CCDC149: variants seen among roughly 807,000 people sequenced by gnomAD.
The protein encoded by CCDC149 is coiled-coil domain-containing protein 149.
In CCDC149, 45 loss-of-function variants were observed where a neutral mutation model predicts 59.9. The ratio of observed to expected loss-of-function variants is 0.75; its 90% CI spans 0.59 to 0.96. The LOEUF (loss-of-function observed/expected upper bound fraction) is 0.96, where lower values mean the gene tolerates loss of function less well. Among genes scored for constraint, CCDC149 ranks in the 40% least tolerant of loss-of-function variants. The pLI is 0.00. For missense variants in CCDC149, 584 were observed against 664.7 expected (o/e 0.88, Z 1.33); for synonymous variants, 245 against 260.6 (o/e 0.94, Z 0.58).
At chr4:24,850,857 TG>T (rs944710009) in intron 4 of CCDC149, among the ~76,000 whole-genome samples, 1 of 151,954 alleles carries the variant, frequency 6.6e-6, no homozygotes, top group African/African-American at 2.4e-5. Flanking sequence ...TGGTGGGGGT[TG>T]GGGGAAGGAT....
At chr4:24,935,504 T>C (rs956539723) in intron 1 of CCDC149, among the ~76,000 whole-genome samples, 1 of 152,126 alleles carries the variant, frequency 6.6e-6, no homozygotes, top group South Asian at 2.1e-4. Context: ...GTGAGGACTT[T>C]GGGACATTAT....
chr4:24,849,804 C>T (rs1684589338), intron 4 of CCDC149, among the ~76,000 whole-genome samples: 1 of 152,234 alleles, frequency 6.6e-6, no homozygotes, highest in Non-Finnish European at 1.5e-5. Context: ...TCCACTTTAA[C>T]AGTCACTCAT....
At chr4:24,831,364 T>C (rs1230234558) in intron 9 of CCDC149, 142 bp downstream of exon 9, 2 of 774,504 alleles carry the variant, frequency 2.6e-6, no homozygotes, top group Non-Finnish European at 4.2e-6. Context: ...AGCACCATTC[T>C]AGTTTAATAA....
At chr4:24,939,017 G>T (rs1026370672) in intron 1 of CCDC149, among the ~76,000 whole-genome samples, 1 of 152,222 alleles carries the variant, frequency 6.6e-6, no homozygotes, top group African/African-American at 2.4e-5. Context: ...AGTCTTAAAT[G>T]TCCCTGTCTG....
intron 3 of CCDC149, among the ~76,000 whole-genome samples, chr4:24,856,906 G>A (rs371893644): frequency 6.6e-6 from 1 of 152,232 alleles, no homozygotes; most frequent in Non-Finnish European, 1.5e-5. Flanking sequence ...ACTGTCCCTG[G>A]GGAGCAGCGG....
intron 1 of CCDC149, among the ~76,000 whole-genome samples, chr4:24,891,202 C>G (rs1177305915): frequency 6.6e-6 from 1 of 151,896 alleles, no homozygotes; most frequent in Non-Finnish European, 1.5e-5. Context: ...TCAGCCCCCC[C>G]AGCAAAAAGT....
chr4:24,965,644 G>C (rs1007103017), intron 1 of CCDC149, among the ~76,000 whole-genome samples: 9 of 152,174 alleles, frequency 5.9e-5, no homozygotes, highest in Non-Finnish European at 1.2e-4. Flanking sequence ...AATAATTAGG[G>C]AAAAATTTGT....
At chr4:24,940,992 CAGAA>C (rs1239732846) in intron 1 of CCDC149, among the ~76,000 whole-genome samples, 3 of 152,172 alleles carry the variant, frequency 2.0e-5, no homozygotes, top group Non-Finnish European at 4.4e-5. Context: ...GTCAATGAGA[CAGAA>C]AGTTAAGACG....
At position 24,933,319 on chromosome 4, in the gene CCDC149, C is replaced by T. The variant is rs148446155; in HGVS notation, c.-64-38201G>A. On this transcript the variant is annotated intron_variant, in intron 1 of 12. Transcript: ENST00000389609. ...AGGATTATTCAGTGAATGGTAATAA[C>T]GCCCAAGTCATCTTAAAATGTACTG... 5.0e-4 allele frequency among the ~76,000 whole-genome samples: 76 copies of T among 152,198 alleles called. No individual in the cohort carries two copies. The East Asian group carries it at 5.2e-3, about 10-fold the overall frequency.
chr4:24,828,023 T>C (rs554340070), intron 9 of CCDC149: 3 of 152,296 alleles, frequency 2.0e-5, no homozygotes, highest in African/African-American at 4.8e-5. Flanking sequence ...AGAACACACA[T>C]AGACCAAAGT....
chr4:24,926,686 G>T (rs1311210449), intron 1 of CCDC149, among the ~76,000 whole-genome samples: 1 of 152,122 alleles, frequency 6.6e-6, no homozygotes, highest in Non-Finnish European at 1.5e-5. Flanking sequence ...GATTATGTCG[G>T]TCAGGAATTC....
chr4:24,950,713 T>C (rs749621119), intron 1 of CCDC149, among the ~76,000 whole-genome samples: 4 of 152,236 alleles, frequency 2.6e-5, no homozygotes, highest in Non-Finnish European at 5.9e-5. Context: ...ACAAGTTCCT[T>C]TATTTTTCAT....
intron 3 of CCDC149, among the ~76,000 whole-genome samples, chr4:24,870,127 G>A (rs1300148384): frequency 6.6e-6 from 1 of 152,172 alleles, no homozygotes; most frequent in Non-Finnish European, 1.5e-5. Context: ...AGAATGTCCA[G>A]TTACATTTGA....
At chr4:24,843,985 T>C (rs1717100224) in intron 4 of CCDC149, among the ~76,000 whole-genome samples, 1 of 152,170 alleles carries the variant, frequency 6.6e-6, no homozygotes, top group Admixed American at 6.5e-5. Context: ...CCTCTGCCTT[T>C]GGAAGAGCCC....
chr4:24,811,433 G>C (rs895659359), intron 12 of CCDC149, among the ~76,000 whole-genome samples: 1 of 152,034 alleles, frequency 6.6e-6, no homozygotes, highest in Admixed American at 6.6e-5. Flanking sequence ...CTCCTCGCAA[G>C]CTGTTTCTCC....
intron 1 of CCDC149, among the ~76,000 whole-genome samples, chr4:24,906,375 A>ATTTTTATTTTATTTT (rs1553859575): frequency 0.12 from 1,218 of 10,250 alleles, 38 homozygotes; most frequent in African/African-American, 0.16. Context: ...ATTTTATTTT[A>ATTTTTATTTTATTTT]TTTTATTTTA....
upstream of CCDC149, among the ~76,000 whole-genome samples, chr4:24,917,819 G>A (rs749790596): frequency 7.9e-5 from 12 of 152,110 alleles, no homozygotes; most frequent in South Asian, 2.1e-4. Context: ...TTTCTTCTGC[G>A]TGGGGGGGAT....
At chr4:24,909,676 A>C (rs934192526) in intron 1 of CCDC149, among the ~76,000 whole-genome samples, 7 of 152,190 alleles carry the variant, frequency 4.6e-5, no homozygotes, top group African/African-American at 1.7e-4. Flanking sequence ...AGATAATTGA[A>C]TCATGGGGCT....
Position 24,912,800 on chromosome 4 carries a change from C to CGGCGCCGCGGCCTCACCTCGCT in CCDC149, c.58_63+16dup. On this transcript the variant is annotated intron_variant, in intron 1 of 12. Transcript: ENST00000635206. ...CTCGGCCCGGCCCATCCCGCCTGGC[C>CGGCGCCGCGGCCTCACCTCGCT]GGCGCCGCGGCCTCACCTCGCTCAC... The CGGCGCCGCGGCCTCACCTCGCT allele has an allele frequency of 1.5e-6, 2 of 1,315,484 alleles. No individual in the cohort carries two copies. The highest frequency in any genetic ancestry group is 2.0e-6 in the Non-Finnish European group (2 of 1,019,346). 81.5% of individuals were successfully genotyped at this position (1,315,484 alleles called of 1,614,324 possible). A position where few individuals can be genotyped will look rare whatever the true frequency, so the allele number is the denominator to read the frequency against.
Sources: gnomAD v4.1 joint callset for allele counts (sites outside exome capture counted in the v4.1 genomes callset) on GRCh38, gnomAD v4.1.1 for gene constraint, MANE v1.5 for transcripts, NCBI Gene and HGNC (gene_info 2026-07-23, HGNC 2026-07-21) for gene names.